Variants in STAG3 observed in about 807,000 individuals in gnomAD.
STAG3 encodes the protein cohesin subunit SA-3.
In STAG3, 101 loss-of-function variants were observed where a neutral mutation model predicts 160.7. The ratio of observed to expected loss-of-function variants is 0.63; its 90% CI spans 0.54 to 0.74. The LOEUF is 0.74. STAG3 is among the 30% of genes least tolerant of loss of function. The pLI is 0.00. For synonymous variants in STAG3, 519 were observed against 585.0 expected (o/e 0.89, Z 1.63); for missense variants, 1,188 against 1,517.4 (o/e 0.78, Z 3.61).
At chr7:100,182,045 G>A in intron 2 of STAG3, 45 bp from the exon 3 acceptor site, 1 of 1,434,752 alleles carries the variant, frequency 7.0e-7, no homozygotes, top group Non-Finnish European at 9.8e-7. Flanking sequence ...TTTATATGGA[G>A]GGAATAGGGT....
intron 8 of STAG3, among the ~76,000 whole-genome samples, chr7:100,192,234 G>A (rs1800387027): frequency 6.6e-6 from 1 of 152,094 alleles, no homozygotes; most frequent in Non-Finnish European, 1.5e-5. Flanking sequence ...ATTTAAAATG[G>A]TGAATCCCGG....
At chr7:100,189,331 C>T in intron 7 of STAG3, 114 bp from the exon 8 acceptor site, 1 of 1,225,776 alleles carries the variant, frequency 8.2e-7, no homozygotes, top group Non-Finnish European at 1.1e-6. Context: ...TAGGGTCATC[C>T]TGCTCTGACG....
At chr7:100,217,059 CTCTCTTCCCTCACAATACTG>C (rs1293575523), downstream of STAG3, among the ~76,000 whole-genome samples, 1 of 151,230 alleles carries the variant, frequency 6.6e-6, no homozygotes, top group African/African-American at 2.5e-5. Flanking sequence ...GGGGGTTTGC[CTCTCTTCCCTCACAATACTG>C]ATCGTATTCC....
intron 8 of STAG3, among the ~76,000 whole-genome samples, 182 bp from the exon 9 acceptor site, chr7:100,195,127 A>G (rs1458663065): frequency 6.6e-6 from 1 of 152,242 alleles, no homozygotes. Context: ...CCTCTGAGGC[A>G]TTAGTTGACT....
chr7:100,198,792 C>T (rs773501004), intron 13 of STAG3, 51 bp from the exon 14 acceptor site: 2 of 1,525,860 alleles, frequency 1.3e-6, no homozygotes, highest in African/African-American at 2.7e-5. Flanking sequence ...GGTCGTTACA[C>T]CTCCTTGTTT....
Position 100,182,114 on chromosome 7 carries a change from T to G in STAG3, c.141T>G (p.Asp47Glu), listed in dbSNP as rs1562964345. 6.2e-7 allele frequency: 1 copy of G among 1,613,466 alleles called. No homozygotes were observed. Among genetic ancestry groups the G allele is most frequent in the Non-Finnish European group, 8.5e-7 (1 of 1,179,634 alleles). Residue 47 changes from aspartate (D) to glutamate (E), a missense_variant, in exon 3 of 34, where the codon GAT becomes GAG. By Grantham distance (45) the Asp-to-Glu change is conservative (BLOSUM62 2). Around this residue, in one of 4 missense-constraint regions of STAG3, gnomAD observed 296 missense variants for 404.0 expected, o/e 0.73. Coordinates refer to ENST00000615138, the MANE Select transcript of STAG3 (RefSeq NM_001282717.2). The stretch of plus-strand genomic sequence containing the variant: ...GGAATGGCGACTCTTTGTTAGCTGA[T>G]GAAGACACTGACTTTGAAGACAGCT... ...SEGNGDSLLA[D>E]EDTDFEDSLN...
chr7:100,213,309 A>T, intron 32 of STAG3: 1 of 985,346 alleles, frequency 1.0e-6, no homozygotes, highest in African/African-American at 1.7e-5. Context: ...TATTCAGTCC[A>T]TTACAGGCTG....
At position 100,211,121 on chromosome 7, in the gene STAG3, C is replaced by T. The variant is rs774790944; in HGVS notation, c.3349C>T (p.Gln1117Ter). 6.2e-7 allele frequency: 1 copy of T among 1,609,270 alleles called. No individual in the cohort carries two copies. ...CACCTCCACAGCTGTGAAGAGCAGG[C>T]AGCCCCTGTGGGGGTTGAAAGAGAT... Reference protein sequence around the residue: ...TLTSTAVKSRQPLWGLKEMEE... With the variant: ...TLTSTAVKSR The change falls in exon 30 of 34, where the codon CAG becomes TAG. Residue 1117 changes from glutamine (Q) to a stop codon, truncating the protein, a stop_gained. Coordinates refer to ENST00000615138, the MANE Select transcript of STAG3 (RefSeq NM_001282717.2). LOFTEE classifies it high-confidence loss of function.
chr7:100,203,640 G>A (rs971067704), intron 25 of STAG3, among the ~76,000 whole-genome samples: 6 of 151,586 alleles, frequency 4.0e-5, no homozygotes, highest in African/African-American at 1.2e-4. Context: ...TCAGCCTCCC[G>A]AGTAGCTGGG....
At chr7:100,198,030 A>G (rs921803901) in intron 11 of STAG3, 57 bp from the exon 12 acceptor site, 2 of 1,592,732 alleles carry the variant, frequency 1.3e-6, no homozygotes, top group African/African-American at 2.7e-5. Context: ...ATTCTAAGAG[A>G]ACAGAATGTT....
chr7:100,202,198 T>G lies in STAG3; in HGVS notation c.2421T>G (p.Leu807=). The change falls in exon 24 of 34, where the codon CTT becomes CTG. Residue 807 remains leucine (L), a synonymous_variant. Coordinates refer to ENST00000615138, the MANE Select transcript of STAG3 (RefSeq NM_001282717.2). ...CTTTTGTCTTATTAAGTGATCTACT[T>G]CTCATCTTTAGCCCTCAGATGATTG... The part of the protein sequence containing the change: ...EQAFVLLSDL[L]LIFSPQMIVG... The G allele has an allele frequency of 1.9e-6, 3 of 1,614,034 alleles. No individual in the cohort carries two copies. The highest frequency in any genetic ancestry group is 2.5e-6 in the Non-Finnish European group (3 of 1,179,996).
At chr7:100,208,117 G>GA (rs766770329) in intron 29 of STAG3, among the ~76,000 whole-genome samples, 176 of 141,984 alleles carry the variant, frequency 1.2e-3, no homozygotes, top group Middle Eastern at 3.6e-3. Flanking sequence ...TACTGTCTCA[G>GA]AAAAAAAAAA....
chr7:100,205,607 G>A (rs1467043760), intron 29 of STAG3, among the ~76,000 whole-genome samples: 1 of 152,050 alleles, frequency 6.6e-6, no homozygotes, highest in Non-Finnish European at 1.5e-5. Flanking sequence ...CGAGGCAGGC[G>A]GCTCACGAGG....
Position 100,204,109 on chromosome 7 carries a change from T to C in STAG3, c.2789T>C (p.Leu930Pro), listed in dbSNP as rs1801407138. Residue 930 changes from leucine (L) to proline (P), a missense_variant, in exon 26 of 34, where the codon CTG becomes CCG. Coordinates refer to ENST00000615138, the MANE Select transcript of STAG3 (RefSeq NM_001282717.2). ...DRSHCSRILL[L>P]SLKQLYTELL... ...AGTCATTGTTCCCGAATCCTGCTGC[T>C]GAGCCTCAAGCAGGTGCGCCCTTCT... 6.2e-7 allele frequency: 1 copy of C among 1,613,862 alleles called. No individual in the cohort carries two copies. The highest frequency in any genetic ancestry group is 1.3e-5 in the African/African-American group (1 of 74,928).
chr7:100,211,334 A>C (rs1802182966), intron 30 of STAG3, 101 bp from the exon 31 acceptor site: 1 of 1,492,800 alleles, frequency 6.7e-7, no homozygotes, highest in Non-Finnish European at 9.2e-7. Context: ...TTAGCTTTAA[A>C]ATGCATCTCT....
At position 100,204,707 on chromosome 7, in the gene STAG3, C is replaced by T. The variant is rs1801466644; in HGVS notation, c.2883C>T (p.Ala961=). 1 of 1,613,986 alleles carries T rather than the reference C, an allele frequency of 6.2e-7. No homozygotes were observed. Among genetic ancestry groups the T allele is most frequent in the African/African-American group, 1.3e-5 (1 of 74,874 alleles). Residue 961 remains alanine, a synonymous_variant, in exon 27 of 34, where the codon GCC becomes GCT. Transcript: ENST00000615138. ...LPAFIEMRDL[A]RRFALSFGPQ... is the part of the protein sequence containing the mutation. Reference sequence around the variant, plus strand: ...CCTTCATCGAGATGAGGGACCTGGCCCGGAGGTTTGCCTTGAGTTTTGGAC... The same window carrying T: ...CCTTCATCGAGATGAGGGACCTGGCTCGGAGGTTTGCCTTGAGTTTTGGAC...
intron 8 of STAG3, 57 bp from the exon 9 acceptor site, chr7:100,195,252 G>C (rs1043251270): frequency 6.7e-7 from 1 of 1,490,132 alleles, no homozygotes; most frequent in African/African-American, 1.4e-5. Context: ...TGTATCTTCA[G>C]GGCCTTATGC....
chr7:100,213,349 C>A, intron 32 of STAG3: 2 of 985,198 alleles, frequency 2.0e-6, no homozygotes, highest in African/African-American at 1.7e-5. Context: ...CTTCTGTTCT[C>A]TTCTCTGCAG....
chr7:100,200,841 G>T lies in STAG3; in HGVS notation c.1933G>T (p.Gly645Trp). ...KHAEPAVLEA[G>W]AHALYLLCNP... ...TGCAGAGCCAGCGGTGCTTGAGGCT[G>T]GGGCGCATGCCCTCTACCTGCTCTG... Residue 645 changes from glycine to tryptophan, a missense_variant, in exon 19 of 34, where the codon GGG becomes TGG. Gly to Trp is a radical substitution (Grantham distance 184, BLOSUM62 -2). Coordinates refer to ENST00000615138, the MANE Select transcript of STAG3 (RefSeq NM_001282717.2). 1 of 1,614,216 alleles carries T rather than the reference G, an allele frequency of 6.2e-7. No individual in the cohort carries two copies. Among genetic ancestry groups the T allele is most frequent in the Non-Finnish European group, 8.5e-7 (1 of 1,180,044 alleles).
Sources: allele counts gnomAD v4.1 joint callset (sites outside exome capture counted in the v4.1 genomes callset), GRCh38; gene constraint gnomAD v4.1.1; regional missense constraint gnomAD v4.1.1; transcripts MANE v1.5; gene names NCBI Gene and HGNC (gene_info 2026-07-23, HGNC 2026-07-21).